The following HCRTR2 variants were observed in gnomAD, a reference collection of about 807,000 sequenced individuals.
HCRTR2 encodes the protein hypocretin receptor 2, also known as orexin receptor type 2.
Under a neutral mutation model 49.0 loss-of-function variants are expected in HCRTR2, and 22 were observed. That is an observed-to-expected ratio of 0.45 (90% CI 0.32 to 0.64). The LOEUF (loss-of-function observed/expected upper bound fraction) is 0.64. Among genes scored for constraint, HCRTR2 ranks in the 30% least tolerant of loss-of-function variants. HCRTR2 has a pLI of 0.04. For missense variants in HCRTR2, 491 were observed against 559.4 expected (o/e 0.88, Z 1.23); for synonymous variants, 236 against 205.3 (o/e 1.15, Z -1.28).
intron 1 of HCRTR2, among the ~76,000 whole-genome samples, chr6:55,163,648 C>G (rs527341148): frequency 6.6e-6 from 1 of 152,046 alleles, no homozygotes; most frequent in Admixed American, 6.6e-5. Context: ...AAGACTTAAA[C>G]GTAAGACCTA....
At chr6:55,111,112 C>A (rs1764043130) in intron 1 of HCRTR2, among the ~76,000 whole-genome samples, 1 of 151,848 alleles carries the variant, frequency 6.6e-6, no homozygotes, top group African/African-American at 2.4e-5. Flanking sequence ...AAATAACGTG[C>A]TCCTGAATGA....
intron 1 of HCRTR2, among the ~76,000 whole-genome samples, chr6:55,219,448 A>C (rs141688290): frequency 6.6e-6 from 1 of 152,236 alleles, no homozygotes. Flanking sequence ...TGAACAGTCC[A>C]TGGGTCAAAG....
At chr6:55,204,726 A>C (rs1323179986) in intron 1 of HCRTR2, among the ~76,000 whole-genome samples, 1 of 152,162 alleles carries the variant, frequency 6.6e-6, no homozygotes, top group Admixed American at 6.5e-5. Context: ...GGAAACTTAG[A>C]TTTGGGAGAA....
intron 1 of HCRTR2, among the ~76,000 whole-genome samples, chr6:55,150,535 T>C (rs1013224596): frequency 5.3e-5 from 8 of 151,970 alleles, no homozygotes; most frequent in African/African-American, 1.9e-4. Context: ...TGTTCTACTC[T>C]CTGCTTCTAT....
chr6:55,226,877 C>G (rs949649395), intron 1 of HCRTR2, among the ~76,000 whole-genome samples: 1 of 151,792 alleles, frequency 6.6e-6, no homozygotes, highest in African/African-American at 2.4e-5. Context: ...CGCCACCACG[C>G]CCGGCTAATT....
chr6:55,271,092 G>A (rs1163228986), intron 4 of HCRTR2, among the ~76,000 whole-genome samples: 2 of 152,050 alleles, frequency 1.3e-5, no homozygotes, highest in African/African-American at 4.8e-5. Context: ...ATAGAGAAGA[G>A]CCAAAATAAT....
At chr6:55,251,073 T>C (rs1766541064) in intron 2 of HCRTR2, among the ~76,000 whole-genome samples, 1 of 152,146 alleles carries the variant, frequency 6.6e-6, no homozygotes, top group African/African-American at 2.4e-5. Context: ...AATAAACATA[T>C]AATTTAAATT....
At chr6:55,256,941 A>G (rs936084108) in intron 3 of HCRTR2, among the ~76,000 whole-genome samples, 1 of 152,188 alleles carries the variant, frequency 6.6e-6, no homozygotes, top group Non-Finnish European at 1.5e-5. Flanking sequence ...TGCTGAGAAC[A>G]CAAATGAGAG....
intron 1 of HCRTR2, among the ~76,000 whole-genome samples, chr6:55,219,524 A>G (rs1034952035): frequency 6.6e-6 from 1 of 152,168 alleles, no homozygotes; most frequent in Non-Finnish European, 1.5e-5. Context: ...TGAAATAAAA[A>G]GACAACATAT....
At chr6:55,277,301 C>G in intron 4 of HCRTR2, 79 bp from the exon 5 acceptor site, 2 of 1,206,696 alleles carry the variant, frequency 1.7e-6, no homozygotes. Context: ...CCTTTCCTTA[C>G]TGTGTTTTCT....
chr6:55,151,482 T>A (rs1168384377), intron 1 of HCRTR2, among the ~76,000 whole-genome samples: 1 of 152,022 alleles, frequency 6.6e-6, no homozygotes, highest in Admixed American at 6.6e-5. Flanking sequence ...AGATTTGTCA[T>A]GAGATTGTAG....
At chr6:55,192,409 GCGCGCACA>G (rs58170275) in intron 1 of HCRTR2, among the ~76,000 whole-genome samples, 21,788 of 113,462 alleles carry the variant, frequency 0.19, 1,845 homozygotes, top group East Asian at 0.36. Context: ...ACACGCGCGC[GCGCGCACA>G]CACACACACA....
chr6:55,113,847 A>T (rs1764082441), intron 1 of HCRTR2, among the ~76,000 whole-genome samples: 1 of 151,964 alleles, frequency 6.6e-6, no homozygotes, highest in African/African-American at 2.4e-5. Context: ...TTGTGCATAC[A>T]TGTTTATGGC....
At chr6:55,207,143 C>T (rs575713133) in intron 1 of HCRTR2, among the ~76,000 whole-genome samples, 16 of 151,956 alleles carry the variant, frequency 1.1e-4, no homozygotes, top group South Asian at 2.1e-4. Context: ...GATGGAGTCT[C>T]GTTGCTATGC....
chr6:55,254,780 A>C (rs1025795874), intron 2 of HCRTR2, among the ~76,000 whole-genome samples: 1 of 149,654 alleles, frequency 6.7e-6, no homozygotes, highest in Admixed American at 6.7e-5. Flanking sequence ...TTTTTTCTAT[A>C]TGAGGGTATG....
chr6:55,128,015 G>C (rs969363386), intron 1 of HCRTR2, among the ~76,000 whole-genome samples: 1 of 152,128 alleles, frequency 6.6e-6, no homozygotes, highest in Non-Finnish European at 1.5e-5. Flanking sequence ...TGCCCTGAAT[G>C]GTATTGCCCA....
intron 1 of HCRTR2, among the ~76,000 whole-genome samples, chr6:55,127,089 G>C (rs143745377): frequency 6.6e-6 from 1 of 152,038 alleles, no homozygotes; most frequent in Non-Finnish European, 1.5e-5. Context: ...GTTCTGTCTC[G>C]CTGACATTCC....
At chr6:55,262,530 T>C (rs1311380860) in intron 3 of HCRTR2, among the ~76,000 whole-genome samples, 3 of 131,318 alleles carry the variant, frequency 2.3e-5, no homozygotes, top group South Asian at 4.4e-4. Context: ...TTATATATAA[T>C]ATATATAATA....
At chr6:55,231,040 G>T (rs541318389) in intron 1 of HCRTR2, among the ~76,000 whole-genome samples, 1 of 152,172 alleles carries the variant, frequency 6.6e-6, no homozygotes, top group Admixed American at 6.5e-5. Context: ...TTCTAGACTT[G>T]AGTGTCATTC....
Sources: allele counts gnomAD v4.1 joint callset (sites outside exome capture counted in the v4.1 genomes callset), GRCh38; gene constraint gnomAD v4.1.1; transcripts MANE v1.5; gene names NCBI Gene and HGNC (gene_info 2026-07-23, HGNC 2026-07-21).